LUZP2: variants seen among roughly 807,000 people sequenced by gnomAD.
The protein encoded by LUZP2 is leucine zipper protein 2.
In LUZP2, 52 loss-of-function variants were observed where a neutral mutation model predicts 51.6. The ratio of observed to expected loss-of-function variants is 1.01; its 90% CI spans 0.81 to 1.27. The LOEUF (loss-of-function observed/expected upper bound fraction) is 1.27. LUZP2 is among the 50% of genes most tolerant of loss of function. The pLI is 0.00. For missense variants in LUZP2, 436 were observed against 395.4 expected (o/e 1.10, Z -0.87); for synonymous variants, 154 against 137.3 (o/e 1.12, Z -0.85).
intron 7 of LUZP2, among the ~76,000 whole-genome samples, chr11:24,926,519 G>GTA (rs1273328415): frequency 2.1e-5 from 3 of 143,356 alleles, no homozygotes; most frequent in Non-Finnish European, 3.0e-5. Flanking sequence ...GTATATACGT[G>GTA]TATATATGTG....
At chr11:24,501,896 G>A (rs1850005457) in intron 1 of LUZP2, among the ~76,000 whole-genome samples, 1 of 152,136 alleles carries the variant, frequency 6.6e-6, no homozygotes, top group African/African-American at 2.4e-5. Context: ...TGCCAATTAA[G>A]TGGTGTCTGG....
At chr11:24,646,971 A>T (rs1206827436) in intron 1 of LUZP2, among the ~76,000 whole-genome samples, 1 of 152,034 alleles carries the variant, frequency 6.6e-6, no homozygotes, top group African/African-American at 2.4e-5. Context: ...TTGACTTTTC[A>T]TTACTTGGAG....
chr11:24,577,256 A>AT lies in LUZP2; in HGVS notation c.62+79958dup, dbSNP rs574634549. Among the ~76,000 whole-genome samples, 938 of 152,236 alleles carry AT rather than the reference A, an allele frequency of 6.2e-3. 7 individuals are homozygous for AT. The highest frequency in any genetic ancestry group is 0.02 in the African/African-American group (826 of 41,562). On this transcript the variant is annotated intron_variant, in intron 1 of 11. Coordinates refer to ENST00000336930, the MANE Select transcript of LUZP2 (RefSeq NM_001009909.4). ...AAGTACGAATTCTTATATTACTCAT[A>AT]TTTTTTTAAAATTATGACTTCATGA... is the stretch of plus-strand genomic sequence containing the variant.
At chr11:24,707,314 G>C (rs2133922948) in intron 1 of LUZP2, among the ~76,000 whole-genome samples, 1 of 151,934 alleles carries the variant, frequency 6.6e-6, no homozygotes. Flanking sequence ...GTGCGTGTGT[G>C]TGTGTGTGTG....
chr11:25,013,650 CTTTGTCATA>C (rs967666584), intron 9 of LUZP2, among the ~76,000 whole-genome samples: 21 of 151,832 alleles, frequency 1.4e-4, no homozygotes, highest in African/African-American at 5.1e-4. Flanking sequence ...AGTATTAATC[CTTTGTCATA>C]TTTTCATGCT....
intron 4 of LUZP2, among the ~76,000 whole-genome samples, chr11:24,743,825 GTTTGTCATAGATGCC>G (rs1271425460): frequency 1.3e-5 from 2 of 152,180 alleles, no homozygotes; most frequent in Non-Finnish European, 2.9e-5. Flanking sequence ...TCAGCTGTGG[GTTTGTCATAGATGCC>G]TTTTATTACA....
intron 1 of LUZP2, among the ~76,000 whole-genome samples, chr11:24,699,314 C>G (rs911527977): frequency 6.6e-6 from 1 of 152,076 alleles, no homozygotes; most frequent in East Asian, 1.9e-4. Flanking sequence ...CCTTTTCAAA[C>G]TGAGGTCAAC....
chr11:24,781,868 A>G (rs1273437706), intron 5 of LUZP2, among the ~76,000 whole-genome samples: 1 of 152,040 alleles, frequency 6.6e-6, no homozygotes, highest in Non-Finnish European at 1.5e-5. Flanking sequence ...ATATGTATGA[A>G]AAGCACCTGG....
chr11:24,752,929 T>A (rs1859646941), intron 4 of LUZP2, among the ~76,000 whole-genome samples: 1 of 151,876 alleles, frequency 6.6e-6, no homozygotes. Context: ...GTTTAAAAAT[T>A]GAAAATATTG....
intron 1 of LUZP2, among the ~76,000 whole-genome samples, chr11:24,670,811 T>C (rs1368167565): frequency 6.6e-6 from 1 of 151,982 alleles, no homozygotes; most frequent in Non-Finnish European, 1.5e-5. Context: ...ATTTATATTT[T>C]TCTCAAAAAG....
rs148529279 is a variant in LUZP2 at position 24,828,132 on chromosome 11, G to A, written c.396+64824G>A. Reference sequence around the variant, plus strand: ...AGAAAAAACAATGAAAGATAGGTAAGTGAGCAATATTCTGGTGACTTCTTT... The same window carrying A: ...AGAAAAAACAATGAAAGATAGGTAAATGAGCAATATTCTGGTGACTTCTTT... On this transcript the variant is annotated intron_variant, in intron 5 of 11. Transcript: ENST00000336930. Among the ~76,000 whole-genome samples, 1,412 of 152,198 alleles carry A rather than the reference G, an allele frequency of 9.3e-3. 12 individuals are homozygous for A. The highest frequency in any genetic ancestry group is 0.054 in the Middle Eastern group (16 of 294).
chr11:24,944,532 G>GA (rs1375519713), intron 7 of LUZP2, among the ~76,000 whole-genome samples: 2 of 152,124 alleles, frequency 1.3e-5, no homozygotes, highest in Admixed American at 6.6e-5. Context: ...GTAGAGAGTA[G>GA]AAAAAATGGA....
rs375382264 is a variant in LUZP2 at position 24,765,783 on chromosome 11, C to T, written c.396+2475C>T. Among the ~76,000 whole-genome samples the T allele has an allele frequency of 9.2e-5, 14 of 151,934 alleles. 1 individual carries two copies. The highest frequency in any genetic ancestry group is 2.1e-4 in the South Asian group (1 of 4,818). ...CTAGGACTACAGATGCCCGCCACCA[C>T]GCCTGGCTAATTTTTTGTATTTTTA... On this transcript the variant is annotated intron_variant, in intron 5 of 11. Coordinates refer to ENST00000336930, the MANE Select transcript of LUZP2 (RefSeq NM_001009909.4).
At chr11:24,637,771 C>G (rs1293983892) in intron 1 of LUZP2, among the ~76,000 whole-genome samples, 1 of 151,814 alleles carries the variant, frequency 6.6e-6, no homozygotes, top group African/African-American at 2.4e-5. Flanking sequence ...ACCCTGTTTC[C>G]TGAAGATGTT....
chr11:24,964,981 C>A (rs982393364), intron 7 of LUZP2, among the ~76,000 whole-genome samples: 1 of 151,484 alleles, frequency 6.6e-6, no homozygotes, highest in African/African-American at 2.4e-5. Flanking sequence ...AGTACAATTT[C>A]TAGATGTGTA....
intron 1 of LUZP2, among the ~76,000 whole-genome samples, chr11:24,629,815 T>C (rs1854816069): frequency 6.6e-6 from 1 of 151,890 alleles, no homozygotes; most frequent in Non-Finnish European, 1.5e-5. Flanking sequence ...CCCAAAATAG[T>C]GTATAAGTGT....
At chr11:24,732,362 G>C (rs1858745408) in intron 3 of LUZP2, among the ~76,000 whole-genome samples, 174 bp downstream of exon 3, 1 of 151,708 alleles carries the variant, frequency 6.6e-6, no homozygotes, top group Non-Finnish European at 1.5e-5. Flanking sequence ...TTACACAACT[G>C]GGGTGGGCTT....
At chr11:24,967,961 A>T (rs1855635484) in intron 7 of LUZP2, among the ~76,000 whole-genome samples, 4 of 151,992 alleles carry the variant, frequency 2.6e-5, no homozygotes, top group Admixed American at 2.6e-4. Flanking sequence ...TATTACAGAG[A>T]CTCTGTATTT....
chr11:25,030,009 C>A (rs143412653), intron 9 of LUZP2, among the ~76,000 whole-genome samples: 132 of 152,110 alleles, frequency 8.7e-4, no homozygotes, highest in African/African-American at 3.0e-3. Context: ...ACCAACATAA[C>A]CACATGATTT....
Sources: gnomAD v4.1 joint callset for allele counts (sites outside exome capture counted in the v4.1 genomes callset) on GRCh38, gnomAD v4.1.1 for gene constraint, MANE v1.5 for transcripts, NCBI Gene and HGNC (gene_info 2026-07-23, HGNC 2026-07-21) for gene names.